PLEKHA7: variants seen among roughly 807,000 people sequenced by gnomAD.
The protein encoded by PLEKHA7 is pleckstrin homology domain containing A7, also known as pleckstrin homology domain-containing family A member 7.
PLEKHA7 carries 104 observed loss-of-function variants against 170.0 expected under a neutral mutation model. That is an observed-to-expected ratio of 0.61 (90% CI 0.52 to 0.72). The LOEUF is 0.72. Ranked by LOEUF, PLEKHA7 falls within the 30% of genes least tolerant of loss-of-function variation. The pLI, the probability that PLEKHA7 is intolerant of heterozygous loss-of-function variation, is 0.00. For missense variants in PLEKHA7, 1,615 were observed against 1,671.7 expected (o/e 0.97, Z 0.59); for synonymous variants, 648 against 660.8 (o/e 0.98, Z 0.30).
intron 17 of PLEKHA7, among the ~76,000 whole-genome samples, chr11:16,798,187 T>C (rs564649933): frequency 3.9e-4 from 60 of 152,350 alleles, no homozygotes; most frequent in African/African-American, 1.4e-3. Flanking sequence ...GGGCTGCAAG[T>C]GCATCTGCAG....
At chr11:16,861,834 C>T (rs973645781) in intron 4 of PLEKHA7, among the ~76,000 whole-genome samples, 1 of 152,168 alleles carries the variant, frequency 6.6e-6, no homozygotes, top group African/African-American at 2.4e-5. Flanking sequence ...GCTAAAACTA[C>T]TGGTATAGAG....
At chr11:16,891,601 C>T (rs1423551293) in intron 3 of PLEKHA7, among the ~76,000 whole-genome samples, 1 of 152,194 alleles carries the variant, frequency 6.6e-6, no homozygotes, top group East Asian at 1.9e-4. Context: ...AATTAGTCAA[C>T]AGCATGGAAA....
At chr11:16,950,485 T>C (rs1861334598) in intron 3 of PLEKHA7, among the ~76,000 whole-genome samples, 1 of 147,028 alleles carries the variant, frequency 6.8e-6, no homozygotes, top group African/African-American at 2.5e-5. Context: ...TCCTCTCCTT[T>C]GGGAAGAGAT....
At chr11:16,827,587 G>C (rs578182538) in intron 9 of PLEKHA7, among the ~76,000 whole-genome samples, 30 of 152,234 alleles carry the variant, frequency 2.0e-4, no homozygotes, top group Admixed American at 1.0e-3. Flanking sequence ...ATGGTGGAGG[G>C]CTCCTCTTTC....
chr11:16,914,303 C>A (rs917281340), intron 3 of PLEKHA7, among the ~76,000 whole-genome samples: 1 of 152,038 alleles, frequency 6.6e-6, no homozygotes, highest in Non-Finnish European at 1.5e-5. Flanking sequence ...TAGAAAACAT[C>A]GACATTTAAA....
intron 9 of PLEKHA7, among the ~76,000 whole-genome samples, chr11:16,832,427 G>A (rs534571496): frequency 6.6e-6 from 1 of 152,312 alleles, no homozygotes; most frequent in African/African-American, 2.4e-5. Context: ...CAAGTGGGAA[G>A]AGCACATACC....
At chr11:16,967,127 A>G (rs1390839745) in intron 3 of PLEKHA7, among the ~76,000 whole-genome samples, 7 of 152,178 alleles carry the variant, frequency 4.6e-5, no homozygotes, top group African/African-American at 1.7e-4. Context: ...CATGCTCTCA[A>G]TGTCCTTTGT....
chr11:16,828,664 T>A (rs1052378886), intron 9 of PLEKHA7, among the ~76,000 whole-genome samples: 5 of 152,184 alleles, frequency 3.3e-5, no homozygotes, highest in Non-Finnish European at 7.4e-5. Context: ...CCACACTGTA[T>A]CCACTGCCCT....
At chr11:16,995,903 A>G (rs1452594895) in intron 3 of PLEKHA7, among the ~76,000 whole-genome samples, 4 of 152,328 alleles carry the variant, frequency 2.6e-5, no homozygotes, top group South Asian at 2.1e-4. Flanking sequence ...AGTTAAACCT[A>G]TCAGGATGTT....
chr11:16,833,367 C>A (rs562151169), intron 9 of PLEKHA7, among the ~76,000 whole-genome samples: 3 of 152,150 alleles, frequency 2.0e-5, no homozygotes, highest in Non-Finnish European at 2.9e-5. Flanking sequence ...ACAAACCAGA[C>A]TAAGAAGAGG....
chr11:16,805,744 T>C (rs1043742385), intron 13 of PLEKHA7, among the ~76,000 whole-genome samples: 9 of 148,472 alleles, frequency 6.1e-5, no homozygotes, highest in Non-Finnish European at 1.2e-4. Flanking sequence ...GAGTTGAGAT[T>C]GCGCCACTGC....
intron 3 of PLEKHA7, among the ~76,000 whole-genome samples, chr11:16,893,896 G>A (rs545857168): frequency 3.9e-5 from 6 of 152,128 alleles, no homozygotes; most frequent in Non-Finnish European, 5.9e-5. Context: ...AAAGTAGCCC[G>A]GCCACATTCC....
chr11:16,817,501 C>CA lies in PLEKHA7; in HGVS notation c.1344-180dup. 1 of 578,114 alleles carries CA rather than the reference C, an allele frequency of 1.7e-6. No homozygotes were observed. Among genetic ancestry groups the CA allele is most frequent in the Non-Finnish European group, 2.8e-6 (1 of 350,950 alleles). 35.8% of individuals were successfully genotyped at this position (578,114 alleles called of 1,614,324 possible). On this transcript the variant is annotated intron_variant, in intron 10 of 26. Transcript: ENST00000531066. This position sits in a 1 kb window ranked among gnomAD's most constrained non-coding sequence, Gnocchi z 4.4. The stretch of plus-strand genomic sequence containing the variant: ...CACTTCCCCTTTTGGCAGACGACTC[C>CA]AAAACCATTTTTCTCTGTCAACTTC...
At chr11:16,923,871 C>G (rs777350827) in intron 3 of PLEKHA7, among the ~76,000 whole-genome samples, 11 of 152,166 alleles carry the variant, frequency 7.2e-5, no homozygotes, top group Non-Finnish European at 1.6e-4. Context: ...GTCCTTCCAC[C>G]CTTCCGTTAA....
chr11:16,975,003 A>G, intron 3 of PLEKHA7: 1 of 868,638 alleles, frequency 1.2e-6, no homozygotes, highest in Non-Finnish European at 1.5e-6. Flanking sequence ...GGTTTTAGGG[A>G]CGTTAACCAT....
intron 3 of PLEKHA7, among the ~76,000 whole-genome samples, chr11:16,885,756 G>A (rs772296838): frequency 5.9e-5 from 9 of 151,942 alleles, no homozygotes; most frequent in Non-Finnish European, 8.8e-5. Flanking sequence ...CACTTTGGGA[G>A]GCCGAGGCGG....
chr11:16,978,857 T>C (rs1565174741), intron 3 of PLEKHA7, among the ~76,000 whole-genome samples: 1 of 152,162 alleles, frequency 6.6e-6, no homozygotes. Flanking sequence ...CATATACATA[T>C]AAACACACAC....
Position 16,806,190 on chromosome 11 carries a change from C to T in PLEKHA7, c.2008-2895G>A, listed in dbSNP as rs536998181. On this transcript the variant is annotated intron_variant, in intron 13 of 26. Transcript: ENST00000531066. ...GTGAGCTGACTCTGTCTCCTATGGA[C>T]GAAAGGTCACAGGCTTTAGAGCATG... Among the ~76,000 whole-genome samples, 9 of 152,164 alleles carry T rather than the reference C, an allele frequency of 5.9e-5. No individual in the cohort carries two copies. The South Asian group carries it at 1.0e-3, about 18-fold the overall frequency.
chr11:16,952,028 T>A (rs1861435044), intron 3 of PLEKHA7, among the ~76,000 whole-genome samples: 1 of 152,200 alleles, frequency 6.6e-6, no homozygotes, highest in Non-Finnish European at 1.5e-5. Context: ...CACTGCTGAG[T>A]GCTAATGCAC....
Sources: allele counts gnomAD v4.1 joint callset (sites outside exome capture counted in the v4.1 genomes callset), GRCh38; gene constraint gnomAD v4.1.1; non-coding constraint Gnocchi (gnomAD v3.1); transcripts MANE v1.5; gene names NCBI Gene and HGNC (gene_info 2026-07-23, HGNC 2026-07-21).